The following NMNAT2 variants were observed in gnomAD, a reference collection of about 807,000 sequenced individuals.
The protein encoded by NMNAT2 is nicotinamide nucleotide adenylyltransferase 2, also known as nicotinamide/nicotinic acid mononucleotide adenylyltransferase 2.
In NMNAT2, 11 loss-of-function variants were observed where a neutral mutation model predicts 41.6. The ratio of observed to expected loss-of-function variants is 0.26; its 90% CI spans 0.17 to 0.44. NMNAT2 has a LOEUF of 0.44. Ranked by LOEUF, NMNAT2 falls within the 20% of genes least tolerant of loss-of-function variation. NMNAT2 has a pLI of 1.00. For missense variants in NMNAT2, 288 were observed against 407.7 expected, an observed-to-expected ratio of 0.71 and a Z score of 2.53; for synonymous variants, 148 against 151.2, an observed-to-expected ratio of 0.98 and a Z score of 0.16.
chr1:183,284,585 G>GCA, intron 6 of NMNAT2, 125 bp downstream of exon 6: 2 of 809,166 alleles, frequency 2.5e-6, no homozygotes, highest in Non-Finnish European at 4.4e-6. Flanking sequence ...GCACAAGTAC[G>GCA]CACACACACA....
rs201043906 is a variant in NMNAT2, at chr1:183,278,525, G to C, written c.651+28C>G. The C allele has an allele frequency of 4.5e-4, 691 of 1,538,554 alleles. 3 individuals are homozygous for C. Among genetic ancestry groups the C allele is most frequent in the Admixed American group, 7.9e-4 (47 of 59,786 alleles). On this transcript the variant is annotated intron_variant, in intron 8 of 10. Coordinates refer to ENST00000287713, the MANE Select transcript of NMNAT2 (RefSeq NM_015039.4). ...TTCCCATCCCTCCCAGTCCCAGCTG[G>C]GTGCCAGGCAATAACCTTGCTACTC...
intron 1 of NMNAT2, among the ~76,000 whole-genome samples, chr1:183,395,544 C>T (rs183556773): frequency 7.4e-4 from 113 of 152,174 alleles, no homozygotes; most frequent in African/African-American, 2.6e-3. Flanking sequence ...TACACTATAA[C>T]ATCTGCCATC....
chr1:183,322,074 C>T (rs1377477491), intron 1 of NMNAT2, among the ~76,000 whole-genome samples: 1 of 152,146 alleles, frequency 6.6e-6, no homozygotes, highest in Non-Finnish European at 1.5e-5. Flanking sequence ...ATCCTCCAGC[C>T]TTGGCTTCCC....
chr1:183,378,856 A>C (rs1458211349), intron 1 of NMNAT2, among the ~76,000 whole-genome samples: 1 of 152,074 alleles, frequency 6.6e-6, no homozygotes, highest in East Asian at 1.9e-4. Flanking sequence ...CAGCCTGGCC[A>C]ACATAGTGAA....
chr1:183,332,384 C>A (rs954379451), intron 1 of NMNAT2, among the ~76,000 whole-genome samples: 1 of 152,000 alleles, frequency 6.6e-6, no homozygotes, highest in Non-Finnish European at 1.5e-5. Context: ...ACCCTGGATG[C>A]GCCTCAGAAT....
intron 10 of NMNAT2, among the ~76,000 whole-genome samples, chr1:183,258,859 G>A (rs377097922): frequency 2.6e-5 from 4 of 152,048 alleles, no homozygotes; most frequent in African/African-American, 7.2e-5. Flanking sequence ...TGACCAATCC[G>A]CACTCCTGGC....
intron 7 of NMNAT2, among the ~76,000 whole-genome samples, chr1:183,278,889 C>T (rs1266569451): frequency 2.0e-5 from 3 of 152,134 alleles, no homozygotes; most frequent in Admixed American, 1.3e-4. Context: ...AGCGGGTGAT[C>T]GACTGCCCTG....
intron 8 of NMNAT2, among the ~76,000 whole-genome samples, chr1:183,262,386 T>A (rs1474550262): frequency 6.6e-6 from 1 of 152,194 alleles, no homozygotes; most frequent in East Asian, 1.9e-4. Flanking sequence ...ATCTGTAGTT[T>A]TTTCTCTCTG....
intron 8 of NMNAT2, among the ~76,000 whole-genome samples, chr1:183,272,877 C>T (rs917034183): frequency 3.9e-5 from 6 of 152,190 alleles, no homozygotes; most frequent in African/African-American, 9.7e-5. Flanking sequence ...AGTGCGGGGC[C>T]GGGGCCTAGG....
At chr1:183,408,861 T>A (rs1649039114) in intron 1 of NMNAT2, among the ~76,000 whole-genome samples, 2 of 152,246 alleles carry the variant, frequency 1.3e-5, no homozygotes, top group Non-Finnish European at 2.9e-5. Flanking sequence ...ACGAATGACA[T>A]GTCTCTTTTT....
chr1:183,299,214 A>G (rs1571583491), intron 1 of NMNAT2, among the ~76,000 whole-genome samples: 2 of 152,236 alleles, frequency 1.3e-5, no homozygotes, highest in South Asian at 2.1e-4. Flanking sequence ...TATACTAAAA[A>G]TACAAAAATT....
intron 1 of NMNAT2, among the ~76,000 whole-genome samples, chr1:183,389,071 C>T (rs1163490242): frequency 6.6e-6 from 1 of 152,164 alleles, no homozygotes; most frequent in African/African-American, 2.4e-5. Flanking sequence ...ACGCAGAGCA[C>T]AGCACTTTGC....
chr1:183,376,633 C>T (rs1435623294), intron 1 of NMNAT2, among the ~76,000 whole-genome samples: 1 of 152,112 alleles, frequency 6.6e-6, no homozygotes, highest in Non-Finnish European at 1.5e-5. Context: ...ATTGACCCTC[C>T]CAATTATTTT....
At chr1:183,329,170 C>T (rs1189640880) in intron 1 of NMNAT2, among the ~76,000 whole-genome samples, 2 of 152,124 alleles carry the variant, frequency 1.3e-5, no homozygotes, top group African/African-American at 4.8e-5. Context: ...TATCCCCCTA[C>T]CAGCATAAAC....
chr1:183,263,545 G>A (rs543123315), intron 8 of NMNAT2, among the ~76,000 whole-genome samples: 2 of 152,286 alleles, frequency 1.3e-5, no homozygotes, highest in South Asian at 2.1e-4. Context: ...CGGGCCAGGC[G>A]CAGTGGCTCA....
chr1:183,343,817 G>A (rs185907202), intron 1 of NMNAT2, among the ~76,000 whole-genome samples: 2 of 152,200 alleles, frequency 1.3e-5, no homozygotes, highest in East Asian at 1.9e-4. Context: ...CACAACTTAC[G>A]GTACAAAAGC....
At chr1:183,299,389 A>T (rs1445659748) in intron 1 of NMNAT2, among the ~76,000 whole-genome samples, 2 of 152,176 alleles carry the variant, frequency 1.3e-5, no homozygotes, top group East Asian at 3.8e-4. Context: ...AAAAAATAAA[A>T]AAATAAAAAA....
chr1:183,269,416 G>A (rs1291271716), intron 8 of NMNAT2, among the ~76,000 whole-genome samples: 2 of 152,218 alleles, frequency 1.3e-5, no homozygotes, highest in Non-Finnish European at 2.9e-5. Context: ...AATGTATGTG[G>A]ATTTGCCCTG....
chr1:183,362,215 G>A (rs770348295), intron 1 of NMNAT2, among the ~76,000 whole-genome samples: 16 of 152,008 alleles, frequency 1.1e-4, no homozygotes, highest in Non-Finnish European at 2.1e-4. Context: ...CTAGGATTAC[G>A]GGCATGAGCC....
Sources: allele counts gnomAD v4.1 joint callset (sites outside exome capture counted in the v4.1 genomes callset), GRCh38; gene constraint gnomAD v4.1.1; transcripts MANE v1.5; gene names NCBI Gene and HGNC (gene_info 2026-07-23, HGNC 2026-07-21).